Variants in LAMC3 observed in about 807,000 individuals in gnomAD.
The protein encoded by LAMC3 is laminin subunit gamma 3.
A neutral mutation model predicts 173.8 loss-of-function variants in LAMC3; 128 were observed. The ratio of observed to expected loss-of-function variants is 0.74; its 90% confidence interval spans 0.64 to 0.85. LAMC3 has a LOEUF of 0.85. Ranked by LOEUF, LAMC3 falls within the 40% of genes least tolerant of loss-of-function variation. LAMC3 has a pLI of 0.00. For synonymous variants in LAMC3, 897 were observed against 909.1 expected (o/e 0.99, Z 0.24); for missense variants, 2,022 against 2,156.0 (o/e 0.94, Z 1.23).
At chr9:131,045,412 T>TA (rs1028518586) in intron 7 of LAMC3, 112 bp from the exon 8 acceptor site, 3 of 1,283,138 alleles carry the variant, frequency 2.3e-6, no homozygotes, top group Non-Finnish European at 3.3e-6. Context: ...AAATTGTTTT[T>TA]AAGTTTCTGC....
At chr9:131,040,472 T>G (rs2050466) in intron 6 of LAMC3, among the ~76,000 whole-genome samples, 87 of 151,966 alleles carry the variant, frequency 5.7e-4, no homozygotes, top group African/African-American at 2.0e-3. Context: ...TCACCGCGCC[T>G]GGCCCAGAAG....
At chr9:131,054,491 C>T (rs532786314) in intron 11 of LAMC3, among the ~76,000 whole-genome samples, 111 of 152,264 alleles carry the variant, frequency 7.3e-4, no homozygotes, top group East Asian at 7.2e-3. Flanking sequence ...TGGTGGCTCA[C>T]GCCTGTAATC....
chr9:131,066,038 CAAAT>C (rs1448684203), intron 13 of LAMC3, among the ~76,000 whole-genome samples: 2 of 152,096 alleles, frequency 1.3e-5, no homozygotes, highest in Non-Finnish European at 2.9e-5. Flanking sequence ...ACTAATAATA[CAAAT>C]AAATTAGCCA....
At chr9:131,012,783 A>G (rs561275877) in intron 1 of LAMC3, among the ~76,000 whole-genome samples, 3 of 152,094 alleles carry the variant, frequency 2.0e-5, no homozygotes, top group Non-Finnish European at 2.9e-5. Context: ...GGCTCATGGG[A>G]AGGGAGAGTG....
chr9:131,045,678 CA>C lies in LAMC3; in HGVS notation c.1519+21del. On this transcript the variant is annotated intron_variant, in intron 8 of 27. Transcript: ENST00000361069. The stretch of plus-strand genomic sequence containing the variant: ...CCACCAGGGTAAGAGATGCTCCCTG[CA>C]AACGCCTCCCAAGGGTCTGCTCCCA... 2 of 1,613,782 alleles carry C rather than the reference CA, an allele frequency of 1.2e-6. No homozygotes were observed. Among genetic ancestry groups the C allele is most frequent in the Non-Finnish European group, 1.7e-6 (2 of 1,179,946 alleles).
At chr9:131,044,108 A>T (rs1834105148) in intron 7 of LAMC3, among the ~76,000 whole-genome samples, 1 of 151,430 alleles carries the variant, frequency 6.6e-6, no homozygotes, top group Non-Finnish European at 1.5e-5. Context: ...ATAGGCACCC[A>T]CCACCACGCC....
At position 131,041,622 on chromosome 9, in the gene LAMC3, C is replaced by T. The variant is rs1834058560; in HGVS notation, c.1284-15C>T. The T allele has an allele frequency of 1.2e-6, 2 of 1,612,152 alleles. No homozygotes were observed. The highest frequency in any genetic ancestry group is 1.1e-5 in the South Asian group (1 of 90,820). ...GCTCATTGCACATTTTCCTCTTGTC[C>T]TGTCTCATTGGCAGACCCTGCACTT... On this transcript the variant is annotated splice_polypyrimidine_tract_variant and intron_variant, in intron 6 of 27. Transcript: ENST00000361069.
rs772776985 is a variant in LAMC3, at chr9:131,085,677, A to G, written c.4184A>G (p.Lys1395Arg). 24 of 1,614,078 alleles carry G rather than the reference A, an allele frequency of 1.5e-5. No homozygotes were observed. The East Asian group carries it at 3.6e-4, about 24-fold the overall frequency. ...GNAAPLSSSA[K>R]KKGREAEVLA... is the part of the protein sequence containing the mutation. The stretch of plus-strand genomic sequence containing the variant: ...GCGGCCCCTCTTTCCTCCAGTGCCA[A>G]GAAGAAGGGCAGAGAAGCAGAGGTG... The change falls in exon 25 of 28, where the codon AAG becomes AGG. Residue 1395 changes from lysine (K) to arginine (R), a missense_variant. Lys to Arg is a conservative substitution (Grantham distance 26, BLOSUM62 2). Transcript: ENST00000361069.
At chr9:131,057,239 G>C (rs1024771730) in intron 12 of LAMC3, 92 bp downstream of exon 12, 11 of 1,136,964 alleles carry the variant, frequency 9.7e-6, no homozygotes, top group Non-Finnish European at 1.2e-5. Flanking sequence ...CCTGGCACAG[G>C]CATTGAGGTG....
At chr9:131,091,502 T>C in intron 27 of LAMC3, 35 bp from the exon 28 acceptor site, 2 of 1,560,546 alleles carry the variant, frequency 1.3e-6, no homozygotes, top group Non-Finnish European at 1.7e-6. Context: ...GCAGGGCTGC[T>C]GGCTCACAGT....
chr9:131,065,230 T>G (rs1216459992), intron 13 of LAMC3, among the ~76,000 whole-genome samples: 1 of 152,122 alleles, frequency 6.6e-6, no homozygotes, highest in African/African-American at 2.4e-5. Context: ...GTATGTTCTT[T>G]TATGCTCCGT....
At position 131,041,397 on chromosome 9, in the gene LAMC3, T is replaced by C. The variant is rs144330550; in HGVS notation, c.1284-240T>C. On this transcript the variant is annotated intron_variant, in intron 6 of 27. Transcript: ENST00000361069. ...AAAAGATTCATGGATGATGAGTGAGTGCGTGGATGACAGATGGAAGGATCC... is the reference window on the plus strand; with the variant it reads ...AAAAGATTCATGGATGATGAGTGAGCGCGTGGATGACAGATGGAAGGATCC... Among the ~76,000 whole-genome samples, 227 of 134,376 alleles carry C rather than the reference T, an allele frequency of 1.7e-3. 3 individuals are homozygous for C. Among genetic ancestry groups the C allele is most frequent in the Admixed American group, 6.6e-3 (86 of 13,002 alleles). 88.2% of individuals were successfully genotyped at this position (134,376 alleles called of 152,430 possible).
chr9:131,034,400 C>T (rs1299860373), intron 3 of LAMC3, among the ~76,000 whole-genome samples: 1 of 152,246 alleles, frequency 6.6e-6, no homozygotes, highest in Non-Finnish European at 1.5e-5. Flanking sequence ...TGCTACGTGC[C>T]CTACCACACA....
At chr9:131,010,282 C>T (rs1309740323) in intron 1 of LAMC3, among the ~76,000 whole-genome samples, 1 of 151,660 alleles carries the variant, frequency 6.6e-6, no homozygotes, top group East Asian at 1.9e-4. Context: ...TATGATAGTG[C>T]CACTGTGCTA....
intron 16 of LAMC3, among the ~76,000 whole-genome samples, chr9:131,069,461 G>A (rs1228587320): frequency 6.6e-5 from 10 of 152,184 alleles, no homozygotes; most frequent in South Asian, 6.2e-4. Flanking sequence ...CTCAGATCCC[G>A]AGGGAACATT....
Position 131,009,559 on chromosome 9 carries a change from C to G in LAMC3, c.345C>G (p.Pro115=). The G allele has an allele frequency of 1.3e-6, 2 of 1,570,992 alleles. No homozygotes were observed. The highest frequency in any genetic ancestry group is 8.6e-7 in the Non-Finnish European group (1 of 1,158,986). Residue 115 remains proline (P), a synonymous_variant, in exon 1 of 28, where the codon CCC becomes CCG. Coordinates refer to ENST00000361069, the MANE Select transcript of LAMC3 (RefSeq NM_006059.4). The surrounding 1 kb of genome is among the most constrained non-coding windows in gnomAD (Gnocchi z 4.3). ...SPSMAFGVQY[P]TSVNITLRLG... is the part of the protein sequence containing the mutation. ...CCATGGCCTTCGGCGTGCAGTACCC[C>G]ACCTCGGTCAACATCACCCTCCGCC...
rs1830469154 is a variant in LAMC3 at position 131,094,288 on chromosome 9, G to GA, written c.*2503dup. 1 of 152,214 alleles carries GA rather than the reference G, an allele frequency of 6.6e-6. No individual in the cohort carries two copies. The highest frequency in any genetic ancestry group is 2.4e-5 in the African/African-American group (1 of 41,416). The allele number at this position is 152,214 out of a possible 1,614,324, so 9.4% of individuals were successfully genotyped here. A position where few individuals can be genotyped will look rare whatever the true frequency, so the allele number is the denominator to read the frequency against. On this transcript the variant is annotated 3_prime_UTR_variant, in exon 28 of 28. Coordinates refer to ENST00000361069, the MANE Select transcript of LAMC3 (RefSeq NM_006059.4). ...CTGATTCCAGCTTCTCAGCTTAGGT[G>GA]AAGTCCCACCAACCCCCGTTCAGGA...
chr9:131,042,817 A>G (rs1234270571), intron 7 of LAMC3, among the ~76,000 whole-genome samples: 8 of 137,272 alleles, frequency 5.8e-5, no homozygotes, highest in East Asian at 4.8e-4. Context: ...CACACCCACA[A>G]CAGACATCAC....
At chr9:131,060,084 G>A (rs1336226673) in intron 12 of LAMC3, among the ~76,000 whole-genome samples, 1 of 152,194 alleles carries the variant, frequency 6.6e-6, no homozygotes, top group Non-Finnish European at 1.5e-5. Flanking sequence ...GCCTGGGGAA[G>A]AAGAGTTTGC....
Sources: gnomAD v4.1 joint callset for allele counts (sites outside exome capture counted in the v4.1 genomes callset) on GRCh38, gnomAD v4.1.1 for gene constraint, Gnocchi (gnomAD v3.1) non-coding constraint, MANE v1.5 for transcripts, NCBI Gene and HGNC (gene_info 2026-07-23, HGNC 2026-07-21) for gene names.